FRA10AC1: variants seen among roughly 807,000 people sequenced by gnomAD.
The protein encoded by FRA10AC1 is FRA10A associated CGG repeat 1.
Under a neutral mutation model 56.5 loss-of-function variants are expected in FRA10AC1, and 43 were observed. The ratio of observed to expected loss-of-function variants is 0.76; its 90% CI spans 0.60 to 0.98. The LOEUF is 0.98. Ranked by LOEUF, FRA10AC1 falls within the 50% of genes least tolerant of loss-of-function variation. The probability of loss-of-function intolerance (pLI) is 0.00; values close to 1 mark genes in which losing one functional copy is unlikely to be tolerated. For synonymous variants in FRA10AC1, 112 were observed against 110.5 expected (o/e 1.01, Z -0.09); for missense variants, 346 against 351.8 (o/e 0.98, Z 0.13).
At chr10:93,669,999 T>C (rs924722347) in intron 13 of FRA10AC1, 131 bp from the exon 14 acceptor site, 1 of 532,488 alleles carries the variant, frequency 1.9e-6, no homozygotes, top group Non-Finnish European at 3.3e-6. Flanking sequence ...TATCAATATA[T>C]TGCCATGATT....
intron 13 of FRA10AC1, 102 bp downstream of exon 13, chr10:93,670,668 A>G: frequency 1.3e-6 from 1 of 745,972 alleles, no homozygotes; most frequent in Non-Finnish European, 2.2e-6. Context: ...TTGGCATTAA[A>G]TAGATCACCA....
intron 12 of FRA10AC1, chr10:93,673,198 G>C (rs754077912): frequency 4.7e-4 from 180 of 379,726 alleles, no homozygotes; most frequent in Non-Finnish European, 5.1e-4. Context: ...CTTAAATTAA[G>C]GCAAAAATCT....
chr10:93,689,612 G>A (rs2059091835), intron 7 of FRA10AC1, among the ~76,000 whole-genome samples: 1 of 152,130 alleles, frequency 6.6e-6, no homozygotes. Flanking sequence ...GCATTCCACT[G>A]AGGATAAAAA....
intron 10 of FRA10AC1, among the ~76,000 whole-genome samples, chr10:93,682,144 G>A (rs1362860829): frequency 2.6e-5 from 4 of 152,100 alleles, no homozygotes; most frequent in African/African-American, 7.2e-5. Context: ...TACTCTTATT[G>A]TTGCAGCTTT....
intron 1 of FRA10AC1, 82 bp from the exon 2 acceptor site, chr10:93,700,188 T>C (rs957859014): frequency 1.2e-6 from 1 of 802,410 alleles, no homozygotes; most frequent in Non-Finnish European, 2.1e-6. Flanking sequence ...TAAGTTATCT[T>C]AAACAGCCAC....
At position 93,668,132 on chromosome 10, in the gene FRA10AC1, AATG is replaced by A. The variant is rs750294180; in HGVS notation, c.*1691_*1693del. On this transcript the variant is annotated 3_prime_UTR_variant, in exon 14 of 14. Transcript: ENST00000359204. Reference sequence around the variant, plus strand: ...AAATCTCTGATAATAACCATTTTAAAATGATACCAAATTACTCATTTTGCAGTT... The same window carrying A: ...AAATCTCTGATAATAACCATTTTAAAATACCAAATTACTCATTTTGCAGTT... The A allele has an allele frequency of 6.6e-6, 1 of 152,210 alleles. No individual in the cohort carries two copies. The highest frequency in any genetic ancestry group is 1.9e-4 in the East Asian group (1 of 5,200). The allele number at this position is 152,210 out of a possible 1,614,324, so 9.4% of individuals were successfully genotyped here. A position where few individuals can be genotyped will look rare whatever the true frequency, so the allele number is the denominator to read the frequency against.
At chr10:93,687,116 G>C (rs2059043299) in intron 8 of FRA10AC1, among the ~76,000 whole-genome samples, 1 of 151,682 alleles carries the variant, frequency 6.6e-6, no homozygotes, top group African/African-American at 2.4e-5. Flanking sequence ...CTTTTTTGTT[G>C]AAAGTTGTCT....
intron 7 of FRA10AC1, among the ~76,000 whole-genome samples, chr10:93,689,360 T>A (rs1181893802): frequency 1.3e-5 from 2 of 152,144 alleles, no homozygotes; most frequent in African/African-American, 4.8e-5. Flanking sequence ...CAAAATACTC[T>A]GATTAAAACC....
intron 12 of FRA10AC1, chr10:93,673,125 T>C (rs1203529412): frequency 3.2e-5 from 10 of 312,496 alleles, no homozygotes; most frequent in Non-Finnish European, 6.2e-5. Context: ...GAACACTCGC[T>C]ACTCCAGAGG....
chr10:93,681,404 TAG>T, intron 11 of FRA10AC1, 74 bp downstream of exon 11: 1 of 946,744 alleles, frequency 1.1e-6, no homozygotes, highest in Non-Finnish European at 1.6e-6. Flanking sequence ...ATTCACCAAT[TAG>T]ATGAATGAAA....
intron 10 of FRA10AC1, among the ~76,000 whole-genome samples, chr10:93,682,514 G>T (rs1456120043): frequency 1.3e-5 from 2 of 152,128 alleles, no homozygotes; most frequent in Non-Finnish European, 2.9e-5. Context: ...ATCCAAAAAA[G>T]TTCTGGCCAA....
chr10:93,702,559 CTCTCCCT>C lies in FRA10AC1; in HGVS notation c.-192_-186del. The C allele has an allele frequency of 4.2e-6, 1 of 236,234 alleles. No individual in the cohort carries two copies. Among genetic ancestry groups the C allele is most frequent in the Non-Finnish European group, 8.2e-6 (1 of 122,462 alleles). 14.6% of individuals were successfully genotyped at this position (236,234 alleles called of 1,614,324 possible). On this transcript the variant is annotated 5_prime_UTR_variant, in exon 1 of 14. Coordinates refer to ENST00000359204, the MANE Select transcript of FRA10AC1 (RefSeq NM_145246.5). ...GCCGCCGCCGCCGCCCGCAACCCGCCTCTCCCTACGGGTCCCGACTGGGCACCACTTC... is the reference window on the plus strand; with the variant it reads ...GCCGCCGCCGCCGCCCGCAACCCGCCACGGGTCCCGACTGGGCACCACTTC...
intron 6 of FRA10AC1, among the ~76,000 whole-genome samples, chr10:93,692,295 TAAG>T (rs1191173039): frequency 6.6e-6 from 1 of 152,152 alleles, no homozygotes; most frequent in African/African-American, 2.4e-5. Context: ...CAGTCACAAA[TAAG>T]AAGGAGAATC....
At chr10:93,697,555 T>C (rs2133942824) in intron 4 of FRA10AC1, among the ~76,000 whole-genome samples, 2 of 152,302 alleles carry the variant, frequency 1.3e-5, no homozygotes, top group Middle Eastern at 6.8e-3. Flanking sequence ...TAGCAGTTAG[T>C]GTCATCAGCC....
rs374011831 is a variant in FRA10AC1 at position 93,692,719 on chromosome 10, T to C, written c.307A>G (p.Lys103Glu). ...EDFKRLGENDKTDLDVIRENH... is the reference protein window; with the variant it reads ...EDFKRLGENDETDLDVIRENH... Reference sequence around the variant, plus strand: ...TCTCGTATAACATCCAAGTCTGTCTTGTCATTTTCCCTGGAAAACAGAACT... The same window carrying C: ...TCTCGTATAACATCCAAGTCTGTCTCGTCATTTTCCCTGGAAAACAGAACT... Residue 103 changes from lysine (K) to glutamate (E), a missense_variant, in exon 6 of 14, where the codon AAG (lysine) becomes GAG (glutamate). Lys to Glu is a moderately conservative substitution (Grantham distance 56, BLOSUM62 1). Transcript: ENST00000359204. 2.0e-4 allele frequency: 311 copies of C among 1,579,700 alleles called. 1 individual carries two copies. Among genetic ancestry groups the C allele is most frequent in the South Asian group, 9.5e-4 (81 of 84,838 alleles).
At chr10:93,670,173 A>C (rs1048721895) in intron 13 of FRA10AC1, among the ~76,000 whole-genome samples, 1 of 152,112 alleles carries the variant, frequency 6.6e-6, no homozygotes, top group African/African-American at 2.4e-5. Flanking sequence ...TTGTGGGCTT[A>C]CTTTATAACT....
At chr10:93,685,652 G>C (rs968179745) in intron 8 of FRA10AC1, among the ~76,000 whole-genome samples, 9 of 150,438 alleles carry the variant, frequency 6.0e-5, no homozygotes, top group African/African-American at 2.2e-4. Flanking sequence ...TTAAAGAATG[G>C]ACATATTTCT....
chr10:93,693,509 CACCA>C (rs1564820145), intron 5 of FRA10AC1, among the ~76,000 whole-genome samples: 9 of 19,180 alleles, frequency 4.7e-4, no homozygotes, highest in Admixed American at 6.5e-4. Flanking sequence ...TATATATATA[CACCA>C]TATATATATA....
At chr10:93,691,001 C>T (rs1554895862) in intron 7 of FRA10AC1, among the ~76,000 whole-genome samples, 1 of 152,066 alleles carries the variant, frequency 6.6e-6, no homozygotes, top group Non-Finnish European at 1.5e-5. Flanking sequence ...ATTTAAATGA[C>T]AAATAAATCT....
Sources: gnomAD v4.1 joint callset for allele counts (sites outside exome capture counted in the v4.1 genomes callset) on GRCh38, gnomAD v4.1.1 for gene constraint, MANE v1.5 for transcripts, NCBI Gene and HGNC (gene_info 2026-07-23, HGNC 2026-07-21) for gene names.